JHY: variants seen among roughly 807,000 people sequenced by gnomAD.
The protein encoded by JHY is jhy protein homolog.
In JHY, 69 loss-of-function variants were observed where a neutral mutation model predicts 78.0. That is an observed-to-expected ratio of 0.88 (90% CI 0.73 to 1.08). JHY has a LOEUF of 1.08. Ranked by LOEUF, JHY falls within the 50% of genes least tolerant of loss-of-function variation. The pLI is 0.00. For synonymous variants in JHY, 368 were observed against 342.6 expected (o/e 1.07, Z -0.82); for missense variants, 944 against 927.8 (o/e 1.02, Z -0.23).
At position 122,904,410 on chromosome 11, in the gene JHY, A is replaced by G. The variant is rs1862941923; in HGVS notation, c.830A>G (p.His277Arg). 2 of 1,613,364 alleles carry G rather than the reference A, an allele frequency of 1.2e-6. No homozygotes were observed. The highest frequency in any genetic ancestry group is 1.7e-6 in the Non-Finnish European group (2 of 1,179,588). ...TPKTDSYLQL[H>R]NKKRGESHPE... ...AAAACGGACTCTTATCTTCAACTTC[A>G]CAATAAAAAAAGAGGGGAATCTCAT... The change falls in exon 3 of 9, where the codon CAC becomes CGC. Residue 277 changes from histidine to arginine, a missense_variant. Transcript: ENST00000227349.
intron 3 of JHY, among the ~76,000 whole-genome samples, chr11:122,910,544 T>C (rs1336820461): frequency 2.6e-5 from 4 of 151,874 alleles, no homozygotes; most frequent in Non-Finnish European, 5.9e-5. Flanking sequence ...CATAAGAAAT[T>C]GTGGACGGCT....
rs537905073 is a variant in JHY, at chr11:122,905,724, G to A, written c.864+1280G>A. On this transcript the variant is annotated intron_variant, in intron 3 of 8. Coordinates refer to ENST00000227349, the MANE Select transcript of JHY (RefSeq NM_024806.4). ...TATACCAAAAATACAAAAATTAGCC[G>A]GGTGTGGTGATGCACACCTGTAATC... The A allele has an allele frequency of 1.6e-3, 618 of 384,652 alleles. 5 individuals are homozygous for A. Among genetic ancestry groups the A allele is most frequent in the Non-Finnish European group, 2.0e-3 (552 of 280,854 alleles). The allele number at this position is 384,652 out of a possible 1,614,324, so 23.8% of individuals were successfully genotyped here. A position where few individuals can be genotyped will look rare whatever the true frequency, so the allele number is the denominator to read the frequency against.
intron 2 of JHY, among the ~76,000 whole-genome samples, chr11:122,891,152 T>C (rs2135284696): frequency 6.6e-6 from 1 of 152,286 alleles, no homozygotes; most frequent in African/African-American, 2.4e-5. Context: ...ATTCTGGGAA[T>C]TGTAGTTCAA....
chr11:122,944,069 C>T (rs964432578), intron 5 of JHY, among the ~76,000 whole-genome samples: 1 of 152,010 alleles, frequency 6.6e-6, no homozygotes, highest in African/African-American at 2.4e-5. Flanking sequence ...TGGTGGGGTG[C>T]ACCTGTGGTC....
rs1303917688 is a variant in JHY at position 122,935,040 on chromosome 11, T to C, written c.1599T>C (p.Tyr533=). The C allele has an allele frequency of 6.3e-7, 1 of 1,587,352 alleles. No homozygotes were observed. The highest frequency in any genetic ancestry group is 2.2e-5 in the East Asian group (1 of 44,628). Residue 533 remains tyrosine, a synonymous_variant, in exon 5 of 9, where the codon TAT becomes TAC. Coordinates refer to ENST00000227349, the MANE Select transcript of JHY (RefSeq NM_024806.4). This position sits in a 1 kb window ranked among gnomAD's most constrained non-coding sequence, Gnocchi z 4.5. Reference sequence around the variant, plus strand: ...ATAAGAAACAACTCAAACAGCCTTATACAGAGACAAAATACAGGAACTTAG... The same window carrying C: ...ATAAGAAACAACTCAAACAGCCTTACACAGAGACAAAATACAGGAACTTAG... ...TKNKKQLKQP[Y]TETKYRNLEM... is the part of the protein sequence containing the mutation.
intron 3 of JHY, among the ~76,000 whole-genome samples, chr11:122,906,951 C>A (rs889122121): frequency 2.0e-5 from 3 of 152,034 alleles, no homozygotes; most frequent in Non-Finnish European, 4.4e-5. Context: ...TATATATGTA[C>A]TTCTTCTTGC....
chr11:122,884,266 A>T (rs1279372634), intron 1 of JHY, among the ~76,000 whole-genome samples: 1 of 152,196 alleles, frequency 6.6e-6, no homozygotes, highest in East Asian at 1.9e-4. Flanking sequence ...CAAGGATTTG[A>T]TGATGCTCCT....
At chr11:122,953,742 A>G (rs1251780335) in intron 6 of JHY, among the ~76,000 whole-genome samples, 1 of 152,192 alleles carries the variant, frequency 6.6e-6, no homozygotes, top group African/African-American at 2.4e-5. Context: ...TGTTTTCTTA[A>G]AGGAGATGTA....
chr11:122,930,141 C>T (rs953862420), intron 4 of JHY, among the ~76,000 whole-genome samples: 5 of 152,102 alleles, frequency 3.3e-5, no homozygotes, highest in African/African-American at 9.7e-5. Flanking sequence ...AGTACAGTAT[C>T]GTGATTTTGG....
intron 1 of JHY, among the ~76,000 whole-genome samples, chr11:122,884,861 ACTCCAG>A (rs907584366): frequency 1.3e-5 from 2 of 150,564 alleles, no homozygotes; most frequent in African/African-American, 4.9e-5. Context: ...GTGCAGTGGC[ACTCCAG>A]CTCACTGCAG....
chr11:122,896,414 T>C (rs1474181948), intron 2 of JHY, among the ~76,000 whole-genome samples: 2 of 147,116 alleles, frequency 1.4e-5, no homozygotes, highest in African/African-American at 5.0e-5. Context: ...AGGTCTAAAA[T>C]AATTTAATTC....
intron 3 of JHY, among the ~76,000 whole-genome samples, chr11:122,912,013 A>G (rs555678472): frequency 8.1e-5 from 12 of 148,294 alleles, no homozygotes; most frequent in Non-Finnish European, 8.9e-5. Context: ...GGGGTTGGGC[A>G]TGGTGGCTCA....
chr11:122,953,617 A>T (rs1035424970), intron 6 of JHY, among the ~76,000 whole-genome samples: 53 of 151,652 alleles, frequency 3.5e-4, no homozygotes, highest in African/African-American at 1.1e-3. Context: ...AAAAAAAAAA[A>T]GAAATGAAAT....
intron 3 of JHY, among the ~76,000 whole-genome samples, chr11:122,906,909 G>A (rs1863005622): frequency 6.6e-6 from 1 of 152,112 alleles, no homozygotes; most frequent in Admixed American, 6.5e-5. Flanking sequence ...AAGGCTAATT[G>A]TATTTAAAAT....
At chr11:122,957,637 C>T in intron 8 of JHY, 146 bp downstream of exon 8, 1 of 839,334 alleles carries the variant, frequency 1.2e-6, no homozygotes. Context: ...TCAAGCTATC[C>T]TCCAAACTAA....
intron 3 of JHY, among the ~76,000 whole-genome samples, chr11:122,919,429 T>C (rs118028238): frequency 0.011 from 1,680 of 146,730 alleles, 12 homozygotes; most frequent in Non-Finnish European, 0.018. Context: ...AGGCAAAGAA[T>C]GGCCTATGCA....
chr11:122,902,603 T>C (rs1173182773), intron 2 of JHY, among the ~76,000 whole-genome samples: 1 of 152,164 alleles, frequency 6.6e-6, no homozygotes, highest in African/African-American at 2.4e-5. Flanking sequence ...GGAAGTATGA[T>C]TCTGGCATCT....
intron 4 of JHY, among the ~76,000 whole-genome samples, chr11:122,930,557 A>G (rs559556064): frequency 6.6e-6 from 1 of 152,240 alleles, no homozygotes; most frequent in Non-Finnish European, 1.5e-5. Context: ...TACTTTAAAA[A>G]TACTGAGAAT....
chr11:122,956,826 G>A (rs547390051), intron 7 of JHY, among the ~76,000 whole-genome samples: 1 of 152,190 alleles, frequency 6.6e-6, no homozygotes, highest in South Asian at 2.1e-4. Flanking sequence ...GAAAAGTGGG[G>A]CCTGTGCACC....
Sources: allele counts gnomAD v4.1 joint callset (sites outside exome capture counted in the v4.1 genomes callset), GRCh38; gene constraint gnomAD v4.1.1; non-coding constraint Gnocchi (gnomAD v3.1); transcripts MANE v1.5; gene names NCBI Gene and HGNC (gene_info 2026-07-23, HGNC 2026-07-21).